The following KRAS variants were observed in gnomAD, a reference collection of about 807,000 sequenced individuals.
The protein encoded by KRAS is KRas proto-oncogene, GTPase.
In KRAS, 1 loss-of-function variant was observed where a neutral mutation model predicts 21.0. The ratio of observed to expected loss-of-function variants is 0.05; its 90% CI spans 0.02 to 0.23. The LOEUF is 0.23. Ranked by LOEUF, KRAS falls within the 10% of genes least tolerant of loss-of-function variation. The pLI is 1.00. For synonymous variants in KRAS, 67 were observed against 72.5 expected (o/e 0.92, Z 0.39); for missense variants, 107 against 221.8 (o/e 0.48, Z 3.29).
chr12:25,241,188 A>C (rs1156560152), intron 2 of KRAS, among the ~76,000 whole-genome samples: 1 of 152,228 alleles, frequency 6.6e-6, no homozygotes, highest in Admixed American at 6.5e-5. Context: ...GGCCTAACTA[A>C]TACAGACAGT....
At chr12:25,248,069 T>C (rs1167709597) in intron 1 of KRAS, among the ~76,000 whole-genome samples, 1 of 152,060 alleles carries the variant, frequency 6.6e-6, no homozygotes, top group East Asian at 1.9e-4. Context: ...CTATGTTGAG[T>C]ACGCTGGTCT....
rs61764371 is a variant in KRAS, at chr12:25,206,643, C to T, written c.*3152G>A. On this transcript the variant is annotated 3_prime_UTR_variant, in exon 5 of 5. Transcript: ENST00000311936. ...GGCCATTTCTTTCTCTGTGTAGAAA[C>T]GAGGTACTGTGTAAGTCTTAACACC... The T allele has an allele frequency of 0.014, 2,739 of 200,124 alleles. 46 individuals carry two copies. Among genetic ancestry groups the T allele is most frequent in the African/African-American group, 0.044 (1,896 of 43,496 alleles). The allele number at this position is 200,124 out of a possible 1,614,324, so 12.4% of individuals were successfully genotyped here.
Position 25,206,243 on chromosome 12 carries a change from A to AGTT in KRAS, c.*3549_*3551dup, listed in dbSNP as rs1951137281. 4.7e-6 allele frequency: 1 copy of AGTT among 212,790 alleles called. No individual in the cohort carries two copies. The highest frequency in any genetic ancestry group is 9.5e-6 in the Non-Finnish European group (1 of 105,152). The allele number at this position is 212,790 out of a possible 1,614,324, so 13.2% of individuals were successfully genotyped here. A position where few individuals can be genotyped will look rare whatever the true frequency, so the allele number is the denominator to read the frequency against. ...GACAACAGTTTTGATAACCTATAAA[A>AGTT]GTTAGGTTCTAAATTCCTATGCAGT... On this transcript the variant is annotated 3_prime_UTR_variant, in exon 5 of 5. Transcript: ENST00000311936.
At chr12:25,249,168 G>A (rs1273826840) in intron 1 of KRAS, among the ~76,000 whole-genome samples, 2 of 152,108 alleles carry the variant, frequency 1.3e-5, no homozygotes, top group African/African-American at 2.4e-5. Flanking sequence ...AGGCCGAGGC[G>A]GGCAGATCAC....
At position 25,209,759 on chromosome 12, in the gene KRAS, T is replaced by TACTA. The variant is rs1329643600; in HGVS notation, c.*32_*35dup. The TACTA allele has an allele frequency of 6.2e-7, 1 of 1,602,022 alleles. No homozygotes were observed. Among genetic ancestry groups the TACTA allele is most frequent in the Non-Finnish European group, 8.5e-7 (1 of 1,173,200 alleles). Reference sequence around the variant, plus strand: ...TGTAATGTACAAAAATTACCACTTGTACTAGTATGCCTTAAGAAAAAAGTA... The same window carrying TACTA: ...TGTAATGTACAAAAATTACCACTTGTACTAACTAGTATGCCTTAAGAAAAAAGTA... On this transcript the variant is annotated 3_prime_UTR_variant, in exon 5 of 5. Transcript: ENST00000311936.
chr12:25,225,323 T>C (rs1951378589), intron 4 of KRAS: 1 of 64,250 alleles, frequency 1.6e-5, no homozygotes, highest in Non-Finnish European at 3.3e-5. Context: ...TATATATATA[T>C]ATATATATAT....
At chr12:25,229,147 G>A (rs1951433310) in intron 2 of KRAS, among the ~76,000 whole-genome samples, 1 of 152,074 alleles carries the variant, frequency 6.6e-6, no homozygotes, top group Admixed American at 6.5e-5. Context: ...TTTTTTAAAG[G>A]TATTATATGG....
At chr12:25,211,181 T>C (rs1312313946) in intron 4 of KRAS, 1 of 152,196 alleles carries the variant, frequency 6.6e-6, no homozygotes, top group Non-Finnish European at 1.5e-5. Context: ...TTTTACTCAT[T>C]GTAATCACTT....
chr12:25,237,441 G>A (rs530258533), intron 2 of KRAS, among the ~76,000 whole-genome samples: 6 of 152,268 alleles, frequency 3.9e-5, no homozygotes, highest in Admixed American at 3.9e-4. Context: ...AGTACAAAGG[G>A]GAGGGCGAAG....
rs905749517 is a variant in KRAS, at chr12:25,226,109, G to A, written c.291-336C>T. Among the ~76,000 whole-genome samples the A allele has an allele frequency of 5.9e-5, 9 of 152,036 alleles. No individual in the cohort carries two copies. The East Asian group carries it at 1.3e-3, about 23-fold the overall frequency. On this transcript the variant is annotated intron_variant, in intron 3 of 4. Coordinates refer to ENST00000311936, the MANE Select transcript of KRAS (RefSeq NM_004985.5). Reference sequence around the variant, plus strand: ...TATAACAGACTATAATTTTAGAAACGTATGTTAAATGTGTAAAGATAAAAA... The same window carrying A: ...TATAACAGACTATAATTTTAGAAACATATGTTAAATGTGTAAAGATAAAAA...
chr12:25,234,249 C>T (rs892972945), intron 2 of KRAS: 2 of 175,084 alleles, frequency 1.1e-5, no homozygotes, highest in South Asian at 2.0e-4. Flanking sequence ...GATTTTAACA[C>T]ATTTATGGGA....
intron 2 of KRAS, among the ~76,000 whole-genome samples, chr12:25,229,655 A>T (rs1423263316): frequency 1.3e-5 from 2 of 152,236 alleles, no homozygotes; most frequent in African/African-American, 4.8e-5. Context: ...GGATGTTACA[A>T]TGTGAAGCCA....
chr12:25,231,757 G>C (rs1592812394), intron 2 of KRAS, among the ~76,000 whole-genome samples: 1 of 152,178 alleles, frequency 6.6e-6, no homozygotes. Flanking sequence ...AGTATTTTTA[G>C]AGTTAATTTT....
chr12:25,207,523 A>AT lies in KRAS; in HGVS notation c.*2271_*2272insA, dbSNP rs1369709930. On this transcript the variant is annotated 3_prime_UTR_variant, in exon 5 of 5. Transcript: ENST00000311936. ...GAGCGAGACTCTGACACCAAAAAAA[A>AT]AAAGTAAGCTTCATGAATTAAAGTA... The AT allele has an allele frequency of 4.7e-6, 1 of 213,174 alleles. No individual in the cohort carries two copies. The highest frequency in any genetic ancestry group is 9.5e-6 in the Non-Finnish European group (1 of 105,756). 13.2% of individuals were successfully genotyped at this position (213,174 alleles called of 1,614,324 possible).
At chr12:25,227,157 G>A (rs2141508923) in intron 3 of KRAS, 77 bp downstream of exon 3, 3 of 960,722 alleles carry the variant, frequency 3.1e-6, no homozygotes, top group East Asian at 2.6e-5. Flanking sequence ...TTATATGCAT[G>A]GCATTAGCAA....
At chr12:25,237,797 ATT>A (rs1951562330) in intron 2 of KRAS, among the ~76,000 whole-genome samples, 1 of 152,188 alleles carries the variant, frequency 6.6e-6, no homozygotes, top group Non-Finnish European at 1.5e-5. Flanking sequence ...TAACTGCATT[ATT>A]TTATATACTA....
intron 2 of KRAS, among the ~76,000 whole-genome samples, chr12:25,244,302 AC>A (rs2135804539): frequency 6.6e-6 from 1 of 152,334 alleles, no homozygotes; most frequent in African/African-American, 2.4e-5. Context: ...GGACTGCTTA[AC>A]CCAGGGTAAA....
At chr12:25,225,409 T>G (rs1432965306) in intron 4 of KRAS, 3 of 458,930 alleles carry the variant, frequency 6.5e-6, no homozygotes, top group African/African-American at 4.0e-5. Flanking sequence ...GAAGAGAAAT[T>G]TTCAATGTAG....
chr12:25,248,698 A>G (rs926275221), intron 1 of KRAS, among the ~76,000 whole-genome samples: 4 of 152,136 alleles, frequency 2.6e-5, no homozygotes, highest in Non-Finnish European at 5.9e-5. Context: ...GTCTTACCAA[A>G]TGAAGATCAT....
Sources: gnomAD v4.1 joint callset for allele counts (sites outside exome capture counted in the v4.1 genomes callset) on GRCh38, gnomAD v4.1.1 for gene constraint, MANE v1.5 for transcripts, NCBI Gene and HGNC (gene_info 2026-07-23, HGNC 2026-07-21) for gene names.